DLAT: variants seen among roughly 807,000 people sequenced by gnomAD.
DLAT encodes the protein dihydrolipoamide S-acetyltransferase.
DLAT carries 43 observed loss-of-function variants against 68.0 expected under a neutral mutation model. The ratio of observed to expected loss-of-function variants is 0.63; its 90% CI spans 0.50 to 0.81. DLAT has a LOEUF of 0.81. Ranked by LOEUF, DLAT falls within the 40% of genes least tolerant of loss-of-function variation. The pLI is 0.00. For missense variants in DLAT, 745 were observed against 815.4 expected (o/e 0.91, Z 1.05); for synonymous variants, 265 against 288.6 (o/e 0.92, Z 0.83).
chr11:112,058,314 G>C (rs587773726), intron 11 of DLAT, among the ~76,000 whole-genome samples: 1 of 152,306 alleles, frequency 6.6e-6, no homozygotes, highest in East Asian at 1.9e-4. Flanking sequence ...CTACAGTTCT[G>C]TGGTAATTAA....
intron 5 of DLAT, among the ~76,000 whole-genome samples, chr11:112,036,202 T>TGTGTGTG (rs61074225): frequency 9.4e-5 from 2 of 21,228 alleles, no homozygotes; most frequent in African/African-American, 1.7e-4. Flanking sequence ...TGTGTGTGTG[T>TGTGTGTG]TTTTTTTTTT....
At chr11:112,053,661 G>C (rs907685070) in intron 11 of DLAT, among the ~76,000 whole-genome samples, 1 of 152,150 alleles carries the variant, frequency 6.6e-6, no homozygotes, top group Admixed American at 6.5e-5. Context: ...CACCATATTG[G>C]CCAGACTGGT....
intron 4 of DLAT, among the ~76,000 whole-genome samples, chr11:112,033,039 G>T (rs1444358720): frequency 6.6e-6 from 1 of 152,094 alleles, no homozygotes; most frequent in East Asian, 1.9e-4. Flanking sequence ...TCTCCAGCCT[G>T]GGGGACAGAG....
Position 112,037,434 on chromosome 11 carries a change from C to T in DLAT, c.949C>T (p.Gln317Ter), listed in dbSNP as rs1555180626. The T allele has an allele frequency of 1.2e-6, 2 of 1,614,196 alleles. No homozygotes were observed. The change falls in exon 6 of 14, where the codon CAA (glutamine) becomes TAA (stop). Residue 317 changes from glutamine to a stop codon, truncating the protein, a stop_gained. Coordinates refer to ENST00000280346, the MANE Select transcript of DLAT (RefSeq NM_001931.5). LOFTEE classifies it high-confidence loss of function. ...AACCGAAGTAACAGATTTAAAACCA[C>T]AAGTGCCACCACCTACCCCACCCCC... is the stretch of plus-strand genomic sequence containing the variant. ...RPTEVTDLKP[Q>*]VPPPTPPPVA... is the part of the protein sequence containing the mutation.
chr11:112,043,645 T>C, intron 8 of DLAT, 112 bp downstream of exon 8: 3 of 1,037,862 alleles, frequency 2.9e-6, no homozygotes, highest in Non-Finnish European at 4.6e-6. Context: ...TTTCTTCTAA[T>C]TTCAGTGGTT....
chr11:112,060,099 AT>A, intron 12 of DLAT, 34 bp downstream of exon 12: 1 of 1,561,902 alleles, frequency 6.4e-7, no homozygotes, highest in Non-Finnish European at 8.7e-7. Flanking sequence ...TAATTATGTT[AT>A]TTTTAAGGTT....
chr11:112,040,851 T>A (rs1328062365), intron 7 of DLAT, among the ~76,000 whole-genome samples: 2 of 151,792 alleles, frequency 1.3e-5, no homozygotes, highest in Non-Finnish European at 1.5e-5. Flanking sequence ...ATTTATTAGA[T>A]ATTCAGCAAT....
At chr11:112,055,590 G>T (rs1400070701) in intron 11 of DLAT, among the ~76,000 whole-genome samples, 3 of 151,892 alleles carry the variant, frequency 2.0e-5, no homozygotes, top group African/African-American at 7.3e-5. Context: ...CTCTTCTTGT[G>T]CCATTCTGAG....
chr11:112,055,848 CTTTTTTTTTTTTTTTTTTTTT>C (rs71060212), intron 11 of DLAT, among the ~76,000 whole-genome samples: 72 of 31,988 alleles, frequency 2.3e-3, no homozygotes, highest in East Asian at 3.9e-3. Flanking sequence ...CATATAGACA[CTTTTTTTTTTTTTTTTTTTTT>C]TTTTTTTTTT....
intron 11 of DLAT, among the ~76,000 whole-genome samples, chr11:112,053,794 T>G (rs1310900304): frequency 6.6e-6 from 1 of 152,210 alleles, no homozygotes; most frequent in African/African-American, 2.4e-5. Context: ...CTGGTATTTA[T>G]TTACCTGCAG....
chr11:112,053,148 C>T lies in DLAT; in HGVS notation c.1514+1799C>T, dbSNP rs587698933. Among the ~76,000 whole-genome samples, 8 of 152,090 alleles carry T rather than the reference C, an allele frequency of 5.3e-5. No individual in the cohort carries two copies. In the South Asian group the frequency reaches 8.3e-4, roughly 16 times the overall value. ...ACCAGCCTGGCCAACATGGTGAAACCCCATCTCTACTAAAAATACAAAAAT... is the reference window on the plus strand; with the variant it reads ...ACCAGCCTGGCCAACATGGTGAAACTCCATCTCTACTAAAAATACAAAAAT... On this transcript the variant is annotated intron_variant, in intron 11 of 13. Transcript: ENST00000280346.
At chr11:112,035,857 C>G (rs188600374) in intron 5 of DLAT, among the ~76,000 whole-genome samples, 1 of 142,422 alleles carries the variant, frequency 7.0e-6, no homozygotes, top group African/African-American at 2.6e-5. Context: ...ATGGCATGAT[C>G]TTGGCTCACT....
At chr11:112,043,359 T>C in intron 7 of DLAT, 107 bp from the exon 8 acceptor site, 1 of 1,022,604 alleles carries the variant, frequency 9.8e-7, no homozygotes, top group South Asian at 1.3e-5. Context: ...TTTCAGAATG[T>C]TTTTGGTAGT....
At chr11:112,027,151 C>CT (rs1476997868) in intron 2 of DLAT, among the ~76,000 whole-genome samples, 1 of 149,546 alleles carries the variant, frequency 6.7e-6, no homozygotes, top group Non-Finnish European at 1.5e-5. Context: ...GACGGGGTGG[C>CT]TGCCGGGCGG....
intron 9 of DLAT, 111 bp from the exon 10 acceptor site, chr11:112,045,752 A>C: frequency 1.4e-6 from 1 of 702,416 alleles, no homozygotes; most frequent in Non-Finnish European, 2.5e-6. Flanking sequence ...CAATTATAAT[A>C]ATGCTTGAGG....
At chr11:112,047,497 T>C (rs1863381531) in intron 10 of DLAT, among the ~76,000 whole-genome samples, 1 of 152,246 alleles carries the variant, frequency 6.6e-6, no homozygotes, top group African/African-American at 2.4e-5. Context: ...TTTTGGCTTT[T>C]GTTGCCATTG....
chr11:112,031,821 C>G (rs374879290), intron 4 of DLAT, among the ~76,000 whole-genome samples: 1 of 146,986 alleles, frequency 6.8e-6, no homozygotes, highest in African/African-American at 2.5e-5. Flanking sequence ...CTCAAGTGAT[C>G]CTCCTGCATC....
rs587632703 is a variant in DLAT at position 112,027,614 on chromosome 11, A to G, written c.382-901A>G. Among the ~76,000 whole-genome samples, 117 of 152,190 alleles carry G rather than the reference A, an allele frequency of 7.7e-4. 2 individuals carry two copies. Among genetic ancestry groups the G allele is most frequent in the Admixed American group, 4.5e-3 (69 of 15,292 alleles). On this transcript the variant is annotated intron_variant, in intron 2 of 13. Transcript: ENST00000280346. ...CTGCACTCCAGCCTGGGCACCATTG[A>G]GCACTGAGTGAACCAGACTCCGTCT...
Position 112,063,539 on chromosome 11 carries a change from T to C in DLAT, c.*1004T>C, listed in dbSNP as rs1864770052. On this transcript the variant is annotated 3_prime_UTR_variant, in exon 14 of 14. Coordinates refer to ENST00000280346, the MANE Select transcript of DLAT (RefSeq NM_001931.5). ...AGGAGGGGTACATTGGTAAACATTT[T>C]GGAGTGCTTAAAAATGCCAAAAACA... 1 of 152,608 alleles carries C rather than the reference T, an allele frequency of 6.6e-6. No homozygotes were observed. Among genetic ancestry groups the C allele is most frequent in the Admixed American group, 6.5e-5 (1 of 15,280 alleles). 9.5% of individuals were successfully genotyped at this position (152,608 alleles called of 1,614,324 possible).
Sources: allele counts gnomAD v4.1 joint callset (sites outside exome capture counted in the v4.1 genomes callset), GRCh38; gene constraint gnomAD v4.1.1; transcripts MANE v1.5; gene names NCBI Gene and HGNC (gene_info 2026-07-23, HGNC 2026-07-21).